Variants in HEMK2 observed in about 807,000 individuals in gnomAD.
HEMK2 encodes the protein HemK methyltransferase 2, ETF1 glutamine and histone H4 lysine.
At chr21:28,620,660 C>CCTTTTTTT in the HEMK2 span, among the ~76,000 whole-genome samples, 1 of 49,642 alleles carries the variant, frequency 2.0e-5, no homozygotes, top group African/African-American at 9.5e-5. Flanking sequence ...TCTCTCTTTT[C>CCTTTTTTT]TTTTTTTTTT....
At chr21:28,710,276 A>T in the HEMK2 span, among the ~76,000 whole-genome samples, 2 of 152,204 alleles carry the variant, frequency 1.3e-5, no homozygotes, top group African/African-American at 4.8e-5. Context: ...TTTGTATAAT[A>T]ATGAATTAAA....
At chr21:28,579,481 T>C in the HEMK2 span, among the ~76,000 whole-genome samples, 54 of 152,316 alleles carry the variant, frequency 3.5e-4, no homozygotes, top group South Asian at 0.011. Context: ...CTGGAAGTTA[T>C]ACTTCAGCAA....
chr21:28,758,107 CTAAG>C, the HEMK2 span, among the ~76,000 whole-genome samples: 1 of 152,198 alleles, frequency 6.6e-6, no homozygotes, highest in South Asian at 2.1e-4. Context: ...GACAAATAAA[CTAAG>C]TAAGATTCTA....
chr21:28,657,731 A>G, the HEMK2 span, among the ~76,000 whole-genome samples: 2 of 152,068 alleles, frequency 1.3e-5, no homozygotes, highest in African/African-American at 4.8e-5. Flanking sequence ...ATAATCCCCA[A>G]AAAGCAGCCA....
chr21:28,867,255 A>C, the HEMK2 span, among the ~76,000 whole-genome samples: 1 of 152,272 alleles, frequency 6.6e-6, no homozygotes, highest in East Asian at 1.9e-4. Context: ...CAATGACCAA[A>C]GTATGAATAA....
the HEMK2 span, among the ~76,000 whole-genome samples, chr21:28,729,085 G>A: frequency 6.6e-6 from 1 of 152,226 alleles, no homozygotes; most frequent in East Asian, 1.9e-4. Flanking sequence ...CCAAATACTT[G>A]TGGCCTTATT....
the HEMK2 span, among the ~76,000 whole-genome samples, chr21:28,843,372 G>T: frequency 5.3e-5 from 8 of 152,120 alleles, no homozygotes; most frequent in Admixed American, 5.2e-4. Context: ...AACAGCATGG[G>T]GGAAACAACC....
chr21:28,833,270 G>A, the HEMK2 span, among the ~76,000 whole-genome samples: 1 of 152,232 alleles, frequency 6.6e-6, no homozygotes, highest in African/African-American at 2.4e-5. Flanking sequence ...AGCCACCTTT[G>A]TCTATGGGCT....
At chr21:28,729,500 T>G in the HEMK2 span, among the ~76,000 whole-genome samples, 1 of 152,100 alleles carries the variant, frequency 6.6e-6, no homozygotes, top group Admixed American at 6.6e-5. Flanking sequence ...CAAAGCTGGA[T>G]CCCAACTATT....
chr21:28,786,824 G>A, the HEMK2 span, among the ~76,000 whole-genome samples: 3 of 152,100 alleles, frequency 2.0e-5, no homozygotes, highest in African/African-American at 7.2e-5. Context: ...TTAAAAGAAT[G>A]AAAATCTTGT....
the HEMK2 span, among the ~76,000 whole-genome samples, chr21:28,588,670 G>A: frequency 8.5e-5 from 13 of 152,222 alleles, no homozygotes; most frequent in Non-Finnish European, 1.0e-4. Context: ...GGGTGAGACA[G>A]AAGAAAAGAG....
At chr21:28,646,065 T>C in the HEMK2 span, among the ~76,000 whole-genome samples, 3 of 152,210 alleles carry the variant, frequency 2.0e-5, no homozygotes, top group Non-Finnish European at 4.4e-5. Context: ...AAGAAAAGGC[T>C]AATTATGAAT....
chr21:28,644,788 G>C, the HEMK2 span, among the ~76,000 whole-genome samples: 131 of 152,192 alleles, frequency 8.6e-4, no homozygotes, highest in South Asian at 3.7e-3. Context: ...TGGTGGTTTT[G>C]ATGACCAGGC....
At chr21:28,694,713 C>G in the HEMK2 span, among the ~76,000 whole-genome samples, 1,126 of 152,186 alleles carry the variant, frequency 7.4e-3, 18 homozygotes, top group African/African-American at 0.026. Context: ...GATTCAGGGC[C>G]GGACGCAGTG....
chr21:28,634,432 C>T, the HEMK2 span, among the ~76,000 whole-genome samples: 22 of 152,262 alleles, frequency 1.4e-4, no homozygotes, highest in Admixed American at 5.2e-4. Context: ...AAGGAAAGGG[C>T]GAGTCAGGAT....
the HEMK2 span, among the ~76,000 whole-genome samples, chr21:28,628,803 C>T: frequency 1.3e-5 from 2 of 152,218 alleles, no homozygotes; most frequent in Non-Finnish European, 2.9e-5. Flanking sequence ...GTGAGCGTCA[C>T]GTGCTGCCAT....
chr21:28,663,976 C>T, the HEMK2 span, among the ~76,000 whole-genome samples: 11 of 152,148 alleles, frequency 7.2e-5, no homozygotes, highest in African/African-American at 2.7e-4. Context: ...TACATACATA[C>T]GCATTGTACA....
At chr21:28,857,330 A>C in the HEMK2 span, among the ~76,000 whole-genome samples, 22 of 152,296 alleles carry the variant, frequency 1.4e-4, no homozygotes, top group South Asian at 4.6e-3. Context: ...AGCACCATAC[A>C]AGCACAAAAC....
At chr21:28,580,912 C>G in the HEMK2 span, among the ~76,000 whole-genome samples, 1 of 152,100 alleles carries the variant, frequency 6.6e-6, no homozygotes, top group African/African-American at 2.4e-5. Flanking sequence ...TCCCCAGTTC[C>G]TAGTATGGCC....
Sources: allele counts gnomAD v4.1 joint callset (sites outside exome capture counted in the v4.1 genomes callset), GRCh38; gene constraint gnomAD v4.1.1; transcripts MANE v1.5; gene names NCBI Gene and HGNC (gene_info 2026-07-23, HGNC 2026-07-21).